Variants in ROBO1 observed in about 807,000 individuals in gnomAD.
ROBO1 encodes the protein roundabout guidance receptor 1.
ROBO1 carries 149 observed loss-of-function variants against 195.9 expected under a neutral mutation model. The ratio of observed to expected loss-of-function variants is 0.76; its 90% confidence interval spans 0.67 to 0.87. The LOEUF (loss-of-function observed/expected upper bound fraction) is 0.87, where lower values mean the gene tolerates loss of function less well. Ranked by LOEUF, ROBO1 falls within the 40% of genes least tolerant of loss-of-function variation. The probability of loss-of-function intolerance (pLI) is 0.00; values close to 1 mark genes in which losing one functional copy is unlikely to be tolerated. For missense variants in ROBO1, 1,933 were observed against 2,068.3 expected, an observed-to-expected ratio of 0.93 and a Z score of 1.27; for synonymous variants, 816 against 733.2, an observed-to-expected ratio of 1.11 and a Z score of -1.82.
At chr3:79,364,271 C>CACAT (rs1227836590) in intron 2 of ROBO1, among the ~76,000 whole-genome samples, 1 of 148,142 alleles carries the variant, frequency 6.8e-6, no homozygotes, top group Non-Finnish European at 1.5e-5. Flanking sequence ...TACACACACA[C>CACAT]ATATATATAT....
intron 4 of ROBO1, among the ~76,000 whole-genome samples, chr3:78,896,678 A>G (rs1030196269): frequency 6.6e-6 from 1 of 151,720 alleles, no homozygotes; most frequent in Non-Finnish European, 1.5e-5. Flanking sequence ...AAAAAAAAAA[A>G]AAGAAGAGTT....
chr3:79,374,862 C>A (rs537816300), intron 2 of ROBO1, among the ~76,000 whole-genome samples: 52 of 152,098 alleles, frequency 3.4e-4, no homozygotes, highest in African/African-American at 1.1e-3. Context: ...TTCATATTAA[C>A]TAAATTAATA....
At chr3:78,909,344 T>C (rs1459175324) in intron 4 of ROBO1, among the ~76,000 whole-genome samples, 3 of 151,900 alleles carry the variant, frequency 2.0e-5, no homozygotes, top group African/African-American at 7.2e-5. Context: ...TCAAGTATTA[T>C]GTCATAATTT....
At chr3:79,302,598 A>T (rs1419188191) in intron 2 of ROBO1, among the ~76,000 whole-genome samples, 1 of 152,212 alleles carries the variant, frequency 6.6e-6, no homozygotes, top group African/African-American at 2.4e-5. Context: ...TTTTGACTTA[A>T]TTGATGAAAC....
chr3:79,531,167 AT>A (rs1304704724), intron 2 of ROBO1, among the ~76,000 whole-genome samples: 1 of 152,144 alleles, frequency 6.6e-6, no homozygotes, highest in East Asian at 1.9e-4. Flanking sequence ...ATTTGAATCT[AT>A]TTGAGTGATT....
chr3:78,992,259 G>A (rs1215021775), intron 3 of ROBO1, among the ~76,000 whole-genome samples: 3 of 152,124 alleles, frequency 2.0e-5, no homozygotes, highest in Non-Finnish European at 2.9e-5. Context: ...CTGGATCCTG[G>A]TGTAGATATC....
Position 78,741,200 on chromosome 3 carries a change from C to G in ROBO1, c.657+5543G>C, listed in dbSNP as rs538192661. ...TTATAAGCCATCCTCCATAAGAGATCAGCAATTTCATCTCTATGCCTGCAA... is the reference window on the plus strand; with the variant it reads ...TTATAAGCCATCCTCCATAAGAGATGAGCAATTTCATCTCTATGCCTGCAA... On this transcript the variant is annotated intron_variant, in intron 5 of 30. Transcript: ENST00000464233. Among the ~76,000 whole-genome samples the G allele has an allele frequency of 5.3e-5, 8 of 152,232 alleles. No individual in the cohort carries two copies. In the South Asian group the frequency reaches 1.7e-3, roughly 32 times the overall value.
At chr3:79,686,741 T>C (rs1033059516) in intron 1 of ROBO1, among the ~76,000 whole-genome samples, 2 of 152,112 alleles carry the variant, frequency 1.3e-5, no homozygotes, top group Admixed American at 1.3e-4. Context: ...TGCAAGGACA[T>C]TCCATGCTCA....
chr3:79,155,077 C>A (rs906063380), intron 2 of ROBO1, among the ~76,000 whole-genome samples: 1 of 151,752 alleles, frequency 6.6e-6, no homozygotes, highest in African/African-American at 2.4e-5. Context: ...ACTCCTATTG[C>A]CAACGATGCA....
intron 2 of ROBO1, among the ~76,000 whole-genome samples, chr3:79,495,690 ACTT>A (rs1259567035): frequency 6.6e-6 from 1 of 152,148 alleles, no homozygotes; most frequent in Non-Finnish European, 1.5e-5. Flanking sequence ...ACTTTCCAAA[ACTT>A]CTTCATAATC....
At chr3:79,409,449 T>C (rs2037680224) in intron 2 of ROBO1, among the ~76,000 whole-genome samples, 1 of 152,150 alleles carries the variant, frequency 6.6e-6, no homozygotes, top group South Asian at 2.1e-4. Context: ...CATAAGGAAA[T>C]TGAAGATCTC....
At chr3:79,173,147 A>G (rs2081196334) in intron 2 of ROBO1, among the ~76,000 whole-genome samples, 1 of 152,020 alleles carries the variant, frequency 6.6e-6, no homozygotes, top group African/African-American at 2.4e-5. Flanking sequence ...GAATGGAGAC[A>G]ATCACTACTG....
intron 2 of ROBO1, among the ~76,000 whole-genome samples, chr3:79,558,442 G>A (rs960652884): frequency 4.6e-5 from 7 of 152,134 alleles, no homozygotes; most frequent in African/African-American, 1.7e-4. Context: ...TACAAAATAT[G>A]TATGAATCGA....
intron 2 of ROBO1, among the ~76,000 whole-genome samples, chr3:79,396,048 T>G (rs886164155): frequency 6.6e-6 from 1 of 152,100 alleles, no homozygotes; most frequent in Non-Finnish European, 1.5e-5. Context: ...AAAATGAATA[T>G]AAAATCATAA....
chr3:79,688,227 G>T (rs1156622912), intron 1 of ROBO1, among the ~76,000 whole-genome samples: 1 of 116,118 alleles, frequency 8.6e-6, no homozygotes, highest in Non-Finnish European at 1.7e-5. Context: ...TGTGGGGTGG[G>T]GGGAGGGGGG....
intron 2 of ROBO1, among the ~76,000 whole-genome samples, chr3:79,587,690 G>T (rs1328599206): frequency 6.6e-6 from 1 of 151,442 alleles, no homozygotes; most frequent in Non-Finnish European, 1.5e-5. Context: ...TCTGAGATAT[G>T]CTCAATTCAA....
intron 4 of ROBO1, among the ~76,000 whole-genome samples, chr3:78,849,717 C>T (rs536359182): frequency 1.3e-5 from 2 of 151,780 alleles, no homozygotes; most frequent in African/African-American, 4.8e-5. Flanking sequence ...AGCATGTTCT[C>T]GGAGTAACAT....
At chr3:78,941,042 G>C (rs1364630271) in intron 3 of ROBO1, among the ~76,000 whole-genome samples, 1 of 152,064 alleles carries the variant, frequency 6.6e-6, no homozygotes, top group Non-Finnish European at 1.5e-5. Flanking sequence ...CCCTACATGA[G>C]GCTTATTTGT....
chr3:79,715,641 G>A (rs1196081488), intron 1 of ROBO1, among the ~76,000 whole-genome samples: 3 of 152,014 alleles, frequency 2.0e-5, no homozygotes. Flanking sequence ...TGGTGGTTTG[G>A]AACCAAGTCT....
Sources: gnomAD v4.1 joint callset for allele counts (sites outside exome capture counted in the v4.1 genomes callset) on GRCh38, gnomAD v4.1.1 for gene constraint, MANE v1.5 for transcripts, NCBI Gene and HGNC (gene_info 2026-07-23, HGNC 2026-07-21) for gene names.